FMN1: variants seen among roughly 807,000 people sequenced by gnomAD.
FMN1 encodes formin 1.
A neutral mutation model predicts 132.4 loss-of-function variants in FMN1; 110 were observed. The ratio of observed to expected loss-of-function variants is 0.83; its 90% confidence interval spans 0.71 to 0.97. FMN1 has a LOEUF of 0.97. Among genes scored for constraint, FMN1 ranks in the 50% least tolerant of loss-of-function variants. The pLI is 0.00. For synonymous variants in FMN1, 722 were observed against 651.7 expected, an observed-to-expected ratio of 1.11 and a Z score of -1.64; for missense variants, 1,792 against 1,705.3, an observed-to-expected ratio of 1.05 and a Z score of -0.90.
At chr15:32,851,006 C>A (rs1251490668) in intron 17 of FMN1, among the ~76,000 whole-genome samples, 1 of 151,776 alleles carries the variant, frequency 6.6e-6, no homozygotes, top group Non-Finnish European at 1.5e-5. Context: ...TGCAGTGAGC[C>A]AAGATCGCGC....
chr15:33,101,263 T>A (rs1419585413), intron 4 of FMN1, among the ~76,000 whole-genome samples: 2 of 152,204 alleles, frequency 1.3e-5, no homozygotes, highest in African/African-American at 2.4e-5. Context: ...TTTCAAGATG[T>A]GCAAGTTGAG....
chr15:32,821,840 G>C lies in FMN1; in HGVS notation c.3929-17508C>G, dbSNP rs544167102. ...AATACCCTAACCTGGAACAATATAA[G>C]GGAGGCTTGCTTTTCCTTTCATTCT... On this transcript the variant is annotated intron_variant, in intron 17 of 20. Transcript: ENST00000616417. 2.0e-5 allele frequency among the ~76,000 whole-genome samples: 3 copies of C among 152,082 alleles called. No homozygotes were observed. In the East Asian group the frequency reaches 5.8e-4, roughly 29 times the overall value.
chr15:33,087,244 A>T (rs2038731472), intron 5 of FMN1, among the ~76,000 whole-genome samples: 1 of 152,200 alleles, frequency 6.6e-6, no homozygotes, highest in African/African-American at 2.4e-5. Flanking sequence ...GAAAACAAGA[A>T]TGAATAAGAA....
At chr15:32,845,193 G>C (rs933679881) in intron 17 of FMN1, among the ~76,000 whole-genome samples, 2 of 152,200 alleles carry the variant, frequency 1.3e-5, no homozygotes, top group Non-Finnish European at 2.9e-5. Flanking sequence ...TAGTTGTCAA[G>C]AATCCAAAGA....
chr15:32,822,516 T>C (rs1176357455), intron 17 of FMN1, among the ~76,000 whole-genome samples: 3 of 140,768 alleles, frequency 2.1e-5, no homozygotes, highest in Non-Finnish European at 4.6e-5. Flanking sequence ...TATTACTCCA[T>C]TTTTTTTTCC....
At chr15:33,127,270 T>C (rs1044627312) in intron 4 of FMN1, among the ~76,000 whole-genome samples, 2 of 152,186 alleles carry the variant, frequency 1.3e-5, no homozygotes, top group African/African-American at 2.4e-5. Context: ...CCCTCCTTAT[T>C]CTTCACAACA....
At chr15:32,792,409 C>T (rs569748205) in intron 19 of FMN1, among the ~76,000 whole-genome samples, 1 of 151,872 alleles carries the variant, frequency 6.6e-6, no homozygotes, top group Admixed American at 6.6e-5. Context: ...CGCGCCACTG[C>T]ACTCCAGCCT....
At chr15:33,015,038 G>C (rs997114264) in intron 6 of FMN1, among the ~76,000 whole-genome samples, 3 of 152,190 alleles carry the variant, frequency 2.0e-5, no homozygotes, top group Non-Finnish European at 2.9e-5. Flanking sequence ...TTACTTTACA[G>C]ATGAGAAAAC....
At chr15:33,002,687 T>G (rs2034186137) in intron 7 of FMN1, among the ~76,000 whole-genome samples, 1 of 152,192 alleles carries the variant, frequency 6.6e-6, no homozygotes, top group African/African-American at 2.4e-5. Context: ...AGTCCTTTGG[T>G]GCCAGCTTCT....
chr15:33,125,971 GTCAC>G (rs1394561758), intron 4 of FMN1, among the ~76,000 whole-genome samples: 2 of 150,750 alleles, frequency 1.3e-5, no homozygotes, highest in Non-Finnish European at 2.9e-5. Context: ...TGTGCAGTAA[GTCAC>G]TAAGTTAGGA....
chr15:33,127,771 A>T (rs1384561285), intron 4 of FMN1, among the ~76,000 whole-genome samples: 2 of 152,236 alleles, frequency 1.3e-5, no homozygotes, highest in Non-Finnish European at 2.9e-5. Flanking sequence ...ATCCACTTGC[A>T]GTGTCTGTAG....
chr15:32,965,465 C>G (rs2031120712), intron 8 of FMN1, among the ~76,000 whole-genome samples: 1 of 152,114 alleles, frequency 6.6e-6, no homozygotes, highest in South Asian at 2.1e-4. Context: ...TATTGTTTAT[C>G]AAACATAGGT....
At chr15:32,849,715 G>C (rs576574952) in intron 17 of FMN1, among the ~76,000 whole-genome samples, 1 of 152,028 alleles carries the variant, frequency 6.6e-6, no homozygotes, top group Admixed American at 6.5e-5. Context: ...GCAGTGCAGT[G>C]GTATGATCTC....
intron 19 of FMN1, among the ~76,000 whole-genome samples, chr15:32,778,341 G>C (rs2056558530): frequency 6.7e-6 from 1 of 148,550 alleles, no homozygotes; most frequent in Non-Finnish European, 1.5e-5. Context: ...GTGCAGTGAT[G>C]CGATCTCAGC....
chr15:33,139,372 G>A (rs927939595), intron 4 of FMN1, among the ~76,000 whole-genome samples: 10 of 152,258 alleles, frequency 6.6e-5, no homozygotes, highest in Admixed American at 1.3e-4. Context: ...CGAGGCGGGC[G>A]GATCACAAGG....
At chr15:32,983,145 CG>C (rs1403309139) in intron 7 of FMN1, among the ~76,000 whole-genome samples, 1 of 151,994 alleles carries the variant, frequency 6.6e-6, no homozygotes, top group Non-Finnish European at 1.5e-5. Flanking sequence ...AATAAAACTG[CG>C]GAAAGTGCAC....
chr15:33,034,107 C>T lies in FMN1; in HGVS notation c.2162-26032G>A, dbSNP rs146000364. On this transcript the variant is annotated intron_variant, in intron 6 of 20. Transcript: ENST00000616417. ...CATGTACAAATGACTCCCCAATATA[C>T]ATCTAGAGCTCAGAGCTCCGTTTCC... Among the ~76,000 whole-genome samples, 700 of 152,314 alleles carry T rather than the reference C, an allele frequency of 4.6e-3. 8 individuals are homozygous for T. The highest frequency in any genetic ancestry group is 0.016 in the African/African-American group (672 of 41,570).
chr15:33,074,775 G>A (rs2038134624), intron 5 of FMN1, among the ~76,000 whole-genome samples: 1 of 152,000 alleles, frequency 6.6e-6, no homozygotes, highest in Non-Finnish European at 1.5e-5. Context: ...TAGCACTTTG[G>A]GAGGCTGAGG....
intron 3 of FMN1, among the ~76,000 whole-genome samples, chr15:33,157,263 C>CAAAA (rs57411775): frequency 8.3e-6 from 1 of 120,446 alleles, no homozygotes; most frequent in African/African-American, 3.0e-5. Context: ...GACTCCATCT[C>CAAAA]AAAAAAAAAA....
Sources: allele counts gnomAD v4.1 joint callset (sites outside exome capture counted in the v4.1 genomes callset), GRCh38; gene constraint gnomAD v4.1.1; transcripts MANE v1.5; gene names NCBI Gene and HGNC (gene_info 2026-07-23, HGNC 2026-07-21).